VEGFC: variants seen among roughly 807,000 people sequenced by gnomAD.
VEGFC encodes FLT4 ligand DHM.
In VEGFC, 12 loss-of-function variants were observed where a neutral mutation model predicts 46.1. That is an observed-to-expected ratio of 0.26 (90% CI 0.17 to 0.42). VEGFC has a LOEUF of 0.42. VEGFC is among the 10% of genes least tolerant of loss of function. The pLI is 1.00. For synonymous variants in VEGFC, 232 were observed against 195.5 expected, an observed-to-expected ratio of 1.19 and a Z score of -1.56; for missense variants, 488 against 529.4, an observed-to-expected ratio of 0.92 and a Z score of 0.77.
intron 4 of VEGFC, chr4:176,706,032 G>T (rs554940496): frequency 6.6e-6 from 1 of 152,296 alleles, no homozygotes; most frequent in African/African-American, 2.4e-5. Context: ...TATGTGATGT[G>T]TATTACGAAT....
At chr4:176,686,609 C>A (rs756178296) in intron 6 of VEGFC, among the ~76,000 whole-genome samples, 1 of 151,982 alleles carries the variant, frequency 6.6e-6, no homozygotes, top group Non-Finnish European at 1.5e-5. Flanking sequence ...GAAGAGGTTT[C>A]GGGATTAACA....
chr4:176,754,404 G>A (rs1048374458), intron 1 of VEGFC, among the ~76,000 whole-genome samples: 1 of 151,900 alleles, frequency 6.6e-6, no homozygotes, highest in Non-Finnish European at 1.5e-5. Context: ...ACTGGGCTAC[G>A]ATCAAGGTGT....
chr4:176,770,082 A>C (rs4254710), intron 1 of VEGFC, among the ~76,000 whole-genome samples: 125,593 of 152,122 alleles, frequency 0.83, 53,412 homozygotes, highest in East Asian at 1. Context: ...AAAATATCTG[A>C]TAGTTACATA....
At chr4:176,728,046 T>G in intron 2 of VEGFC, 78 bp from the exon 3 acceptor site, 1 of 1,190,286 alleles carries the variant, frequency 8.4e-7, no homozygotes. Flanking sequence ...TGCAAATCAC[T>G]CACATTCATT....
chr4:176,765,349 T>C (rs1203127721), intron 1 of VEGFC, among the ~76,000 whole-genome samples: 2 of 151,928 alleles, frequency 1.3e-5, no homozygotes, highest in Non-Finnish European at 2.9e-5. Context: ...CTGCAAATGT[T>C]TAATATATAT....
intron 1 of VEGFC, among the ~76,000 whole-genome samples, chr4:176,780,552 G>A (rs1281927714): frequency 6.6e-6 from 1 of 151,956 alleles, no homozygotes; most frequent in African/African-American, 2.4e-5. Flanking sequence ...TGATTGAATG[G>A]AAAATGAAAT....
chr4:176,713,799 T>A (rs1198176309), intron 3 of VEGFC, among the ~76,000 whole-genome samples: 1 of 152,100 alleles, frequency 6.6e-6, no homozygotes, highest in African/African-American at 2.4e-5. Context: ...ATAACAATGA[T>A]GGAGCATCAG....
At chr4:176,755,364 CT>C (rs1184273760) in intron 1 of VEGFC, among the ~76,000 whole-genome samples, 1 of 152,026 alleles carries the variant, frequency 6.6e-6, no homozygotes, top group Non-Finnish European at 1.5e-5. Flanking sequence ...TTTAACAAGA[CT>C]TTTTGTATAA....
At chr4:176,685,218 C>T (rs1734017710) in intron 6 of VEGFC, among the ~76,000 whole-genome samples, 1 of 152,138 alleles carries the variant, frequency 6.6e-6, no homozygotes, top group Non-Finnish European at 1.5e-5. Context: ...GTTAATTTTT[C>T]TTAAACTTTG....
chr4:176,709,543 T>C (rs1158709165), intron 4 of VEGFC, among the ~76,000 whole-genome samples: 1 of 152,076 alleles, frequency 6.6e-6, no homozygotes, highest in African/African-American at 2.4e-5. Flanking sequence ...ACCTGAACTC[T>C]GAGAAATGGA....
chr4:176,691,822 C>T lies in VEGFC; in HGVS notation c.705-3895G>A, dbSNP rs867657778. Among the ~76,000 whole-genome samples, 54 of 152,306 alleles carry T rather than the reference C, an allele frequency of 3.5e-4. No homozygotes were observed. In the Middle Eastern group the frequency reaches 0.014, roughly 38 times the overall value. On this transcript the variant is annotated intron_variant, in intron 4 of 6. Transcript: ENST00000618562. ...CAAGATGGCCAAATAGGAACAGCTC[C>T]GGTCTACAGCTCCCAGCCTGAGCAA...
At chr4:176,759,306 G>C (rs1006755258) in intron 1 of VEGFC, among the ~76,000 whole-genome samples, 1 of 151,678 alleles carries the variant, frequency 6.6e-6, no homozygotes, top group Non-Finnish European at 1.5e-5. Flanking sequence ...AGGAAATCCG[G>C]CCATTTGCAA....
rs201742548 is a variant in VEGFC at position 176,774,225 on chromosome 4, ACTT to A, written c.147+17937_147+17939del. On this transcript the variant is annotated intron_variant, in intron 1 of 6. Coordinates refer to ENST00000618562, the MANE Select transcript of VEGFC (RefSeq NM_005429.5). ...ATTAAATAATATATGCTATAGGACT[ACTT>A]AATATTAATTTAGCAGATAATTTTA... Among the ~76,000 whole-genome samples the A allele has an allele frequency of 3.5e-3, 531 of 151,796 alleles. 4 individuals are homozygous for A. The highest frequency in any genetic ancestry group is 0.012 in the African/African-American group (479 of 41,520).
intron 4 of VEGFC, among the ~76,000 whole-genome samples, chr4:176,710,593 T>C (rs1020407718): frequency 4.6e-5 from 7 of 152,166 alleles, no homozygotes; most frequent in African/African-American, 1.7e-4. Context: ...CTTTTAAAAA[T>C]GTAAGGTTTT....
chr4:176,685,663 C>T (rs1284288994), intron 6 of VEGFC, among the ~76,000 whole-genome samples: 1 of 151,770 alleles, frequency 6.6e-6, no homozygotes, highest in Non-Finnish European at 1.5e-5. Flanking sequence ...TTTAATAAGG[C>T]TTAAAAAGAT....
At chr4:176,753,014 G>C (rs1249406023) in intron 1 of VEGFC, among the ~76,000 whole-genome samples, 2 of 152,070 alleles carry the variant, frequency 1.3e-5, no homozygotes, top group Non-Finnish European at 2.9e-5. Context: ...GTGCACAACT[G>C]CTAGTTGTCA....
intron 1 of VEGFC, among the ~76,000 whole-genome samples, chr4:176,752,839 G>A (rs536209008): frequency 6.6e-6 from 1 of 152,072 alleles, no homozygotes; most frequent in Admixed American, 6.6e-5. Context: ...ACACTTGGTA[G>A]CAAGATTTGT....
chr4:176,755,076 G>T (rs1268561850), intron 1 of VEGFC, among the ~76,000 whole-genome samples: 1 of 151,954 alleles, frequency 6.6e-6, no homozygotes, highest in African/African-American at 2.4e-5. Flanking sequence ...CAGTTTTCAT[G>T]TAGTTACTTT....
At chr4:176,743,766 T>C (rs1735217024) in intron 1 of VEGFC, among the ~76,000 whole-genome samples, 1 of 151,890 alleles carries the variant, frequency 6.6e-6, no homozygotes, top group Admixed American at 6.6e-5. Context: ...TAATAGTATA[T>C]GTTATTCTGT....
Sources: gnomAD v4.1 joint callset for allele counts (sites outside exome capture counted in the v4.1 genomes callset) on GRCh38, gnomAD v4.1.1 for gene constraint, MANE v1.5 for transcripts, NCBI Gene and HGNC (gene_info 2026-07-23, HGNC 2026-07-21) for gene names.